The following DMD variants were observed in gnomAD, a reference collection of about 807,000 sequenced individuals.
DMD encodes the protein mutant dystrophin.
In DMD, 63 loss-of-function variants were observed where a neutral mutation model predicts 330.1. The ratio of observed to expected loss-of-function variants is 0.19; its 90% CI spans 0.16 to 0.24. DMD has a LOEUF of 0.24. Ranked by LOEUF, DMD falls within the 10% of genes least tolerant of loss-of-function variation. The probability of loss-of-function intolerance (pLI) is 1.00; values close to 1 mark genes in which losing one functional copy is unlikely to be tolerated. For missense variants in DMD, 3,344 were observed against 2,684.1 expected (o/e 1.25, Z -5.43); for synonymous variants, 1,223 against 959.8 (o/e 1.27, Z -5.07).
chrX:31,439,476 C>T (rs1241135104), intron 60 of DMD, among the ~76,000 whole-genome samples: 1 of 102,853 alleles, frequency 9.7e-6, no homozygotes. Flanking sequence ...ATGATGTCTA[C>T]ATGACTTTGG....
At chrX:32,925,582 C>T (rs771685008) in intron 2 of DMD, among the ~76,000 whole-genome samples, 6 of 111,028 alleles carry the variant, frequency 5.4e-5, no homozygotes, top group Non-Finnish European at 7.6e-5. Context: ...AACAGTAACA[C>T]GAATAAATAT....
chrX:32,797,810 A>T (rs1219580725), intron 7 of DMD, among the ~76,000 whole-genome samples: 2 of 102,708 alleles, frequency 1.9e-5, no homozygotes, highest in Non-Finnish European at 4.1e-5. Context: ...ACCTGTAATT[A>T]AAAAAAAAAA....
Position 31,438,716 on chromosome X carries a change from G to A in DMD, c.9084+5765C>T, listed in dbSNP as rs1428198629. ...CATTATTTGTAAGAGCAGATGGCTA[G>A]GCTCTCTGTCCAGAAGTGACCCCAT... On this transcript the variant is annotated intron_variant, in intron 60 of 78. Coordinates refer to ENST00000357033, the MANE Select transcript of DMD (RefSeq NM_004006.3). Among the ~76,000 whole-genome samples the A allele has an allele frequency of 2.7e-5, 3 of 111,025 alleles. No homozygotes were observed. In the Admixed American group the frequency reaches 2.9e-4, roughly 11 times the overall value.
chrX:33,179,838 C>CTT (rs761219197), intron 1 of DMD, among the ~76,000 whole-genome samples: 2 of 100,068 alleles, frequency 2.0e-5, no homozygotes, highest in African/African-American at 7.2e-5. Context: ...TTAAAAAGTG[C>CTT]TTTTTTTTTT....
chrX:32,719,105 G>A (rs1238164238), intron 7 of DMD, among the ~76,000 whole-genome samples: 1 of 111,712 alleles, frequency 9.0e-6, no homozygotes, highest in Non-Finnish European at 1.9e-5. Context: ...ACTGGACATA[G>A]TTGGAAATAC....
At chrX:32,465,331 C>A (rs1042877666) in intron 23 of DMD, among the ~76,000 whole-genome samples, 17 of 111,379 alleles carry the variant, frequency 1.5e-4, no homozygotes, top group African/African-American at 5.2e-4. Context: ...TGTTTTGCCA[C>A]TTCTAAAAAG....
At chrX:33,107,391 G>A (rs1185030568) in intron 1 of DMD, among the ~76,000 whole-genome samples, 2 of 100,559 alleles carry the variant, frequency 2.0e-5, no homozygotes. Context: ...TGCCAAGAGG[G>A]TAGGAATAAA....
chrX:32,119,328 T>TAAAAAAAAA (rs563310793), intron 44 of DMD, among the ~76,000 whole-genome samples: 1 of 73,103 alleles, frequency 1.4e-5, no homozygotes, highest in Non-Finnish European at 2.6e-5. Context: ...GTGAGACAGT[T>TAAAAAAAAA]AAAAAAAAAA....
chrX:32,327,091 T>C (rs529234231), intron 41 of DMD, among the ~76,000 whole-genome samples: 1 of 108,902 alleles, frequency 9.2e-6, no homozygotes, highest in African/African-American at 3.3e-5. Context: ...TATGAGTCCA[T>C]ATATATAGGT....
chrX:32,306,046 GTTTT>G (rs369351099), intron 42 of DMD, among the ~76,000 whole-genome samples: 1 of 99,452 alleles, frequency 1.0e-5, no homozygotes, highest in East Asian at 3.2e-4. Context: ...ACAGATTCTG[GTTTT>G]TTTTTTTTTC....
At chrX:31,702,358 C>A (rs2083872751) in intron 52 of DMD, among the ~76,000 whole-genome samples, 1 of 112,196 alleles carries the variant, frequency 8.9e-6, no homozygotes, top group South Asian at 3.8e-4. Flanking sequence ...CCTACTAAAT[C>A]TCTATGAAAT....
chrX:33,033,274 A>T (rs1046850101), intron 1 of DMD, among the ~76,000 whole-genome samples: 6 of 110,124 alleles, frequency 5.4e-5, no homozygotes, highest in African/African-American at 2.0e-4. Flanking sequence ...TGGATTAAAA[A>T]AGGTATTTAT....
intron 9 of DMD, among the ~76,000 whole-genome samples, chrX:32,678,117 A>T (rs1277748781): frequency 8.9e-6 from 1 of 111,935 alleles, no homozygotes; most frequent in Non-Finnish European, 1.9e-5. Flanking sequence ...GAAAATGGGG[A>T]AATGCTAATT....
chrX:32,439,405 T>C (rs1212710289), intron 28 of DMD, among the ~76,000 whole-genome samples: 2 of 111,544 alleles, frequency 1.8e-5, no homozygotes, highest in African/African-American at 3.2e-5. Flanking sequence ...AATTTTTGAG[T>C]AGAACAATGT....
chrX:32,382,747 T>A (rs1330035246), intron 33 of DMD, among the ~76,000 whole-genome samples: 1 of 110,408 alleles, frequency 9.1e-6, no homozygotes, highest in Non-Finnish European at 1.9e-5. Context: ...TATGCATTAT[T>A]GGTAGAAAAA....
At position 31,930,114 on chromosome X, in the gene DMD, T is replaced by C. The variant is rs181371086; in HGVS notation, c.6763-369A>G. Reference sequence around the variant, plus strand: ...TTGGGTATCATAGCATGCCATAGCATACCGTAGCTTGCTGCTGAGAAATTG... The same window carrying C: ...TTGGGTATCATAGCATGCCATAGCACACCGTAGCTTGCTGCTGAGAAATTG... On this transcript the variant is annotated intron_variant, in intron 46 of 78. Coordinates refer to ENST00000357033, the MANE Select transcript of DMD (RefSeq NM_004006.3). Among the ~76,000 whole-genome samples, 6 of 111,359 alleles carry C rather than the reference T, an allele frequency of 5.4e-5. No homozygotes were observed. The East Asian group carries it at 1.7e-3, about 32-fold the overall frequency.
intron 17 of DMD, among the ~76,000 whole-genome samples, chrX:32,520,844 C>G (rs1176091002): frequency 1.1e-5 from 1 of 87,956 alleles, no homozygotes; most frequent in Non-Finnish European, 2.2e-5. Flanking sequence ...TCCTGCCATA[C>G]TTTTTTTTTT....
At chrX:32,289,313 TGAA>T (rs1450358363) in intron 42 of DMD, among the ~76,000 whole-genome samples, 1 of 110,657 alleles carries the variant, frequency 9.0e-6, no homozygotes, top group Non-Finnish European at 1.9e-5. Context: ...ATATTCAGCC[TGAA>T]GAAGTTACAG....
chrX:31,683,445 T>C (rs1414042024), intron 52 of DMD, among the ~76,000 whole-genome samples: 1 of 112,039 alleles, frequency 8.9e-6, no homozygotes, highest in African/African-American at 3.3e-5. Flanking sequence ...CACTGGGAGG[T>C]TGTGAGGAAC....
Sources: allele counts gnomAD v4.1 joint callset (sites outside exome capture counted in the v4.1 genomes callset), GRCh38; gene constraint gnomAD v4.1.1; transcripts MANE v1.5; gene names NCBI Gene and HGNC (gene_info 2026-07-23, HGNC 2026-07-21).